Variants in MAP3K13 observed in about 807,000 individuals in gnomAD.
MAP3K13 encodes leucine zipper-bearing kinase.
A neutral mutation model predicts 104.0 loss-of-function variants in MAP3K13; 52 were observed. That is an observed-to-expected ratio of 0.50 (90% CI 0.40 to 0.63). The LOEUF (loss-of-function observed/expected upper bound fraction) is 0.63, where lower values mean the gene tolerates loss of function less well. MAP3K13 is among the 20% of genes least tolerant of loss of function. The pLI, the probability that MAP3K13 is intolerant of heterozygous loss-of-function variation, is 0.00. For synonymous variants in MAP3K13, 394 were observed against 442.2 expected, an observed-to-expected ratio of 0.89 and a Z score of 1.37; for missense variants, 914 against 1,218.5, an observed-to-expected ratio of 0.75 and a Z score of 3.72.
At chr3:185,323,277 C>T (rs1721926501) in intron 2 of MAP3K13, among the ~76,000 whole-genome samples, 1 of 150,724 alleles carries the variant, frequency 6.6e-6, no homozygotes, top group Admixed American at 6.6e-5. Context: ...TTTTCCATGA[C>T]TGTAGTTTTT....
At chr3:185,391,954 G>A (rs1247097826) in intron 1 of MAP3K13, among the ~76,000 whole-genome samples, 1 of 152,096 alleles carries the variant, frequency 6.6e-6, no homozygotes, top group African/African-American at 2.4e-5. Context: ...GGTGGGGTAG[G>A]TCATAGTCCT....
chr3:185,379,327 C>G (rs1430684988), intron 1 of MAP3K13, among the ~76,000 whole-genome samples: 3 of 152,138 alleles, frequency 2.0e-5, no homozygotes, highest in Non-Finnish European at 2.9e-5. Flanking sequence ...TCTCCTTTGT[C>G]TCTACCAGAA....
chr3:185,417,729 C>G, intron 1 of MAP3K13: 3 of 1,612,682 alleles, frequency 1.9e-6, no homozygotes, highest in South Asian at 2.2e-5. Flanking sequence ...CCTTATCCAC[C>G]CGGAGCTTGT....
At chr3:185,378,036 G>A (rs183715060) in intron 1 of MAP3K13, among the ~76,000 whole-genome samples, 269 of 152,326 alleles carry the variant, frequency 1.8e-3, no homozygotes, top group African/African-American at 6.2e-3. Flanking sequence ...ACCCCTGGCA[G>A]CTGCGGTTCA....
At chr3:185,289,108 A>G (rs958254605) in intron 2 of MAP3K13, among the ~76,000 whole-genome samples, 5 of 152,184 alleles carry the variant, frequency 3.3e-5, no homozygotes, top group Non-Finnish European at 7.4e-5. Context: ...GAGAAACTCC[A>G]TAGGAAGTAT....
In MAP3K13 at chr3:185,451,890, G is replaced by T. The variant is rs533558866; in HGVS notation, c.1278+495G>T. ...CTCAAAAAAAAAAAAAAAGAAAAAA[G>T]AAAGAAAGAAAAGAAAAAACACGTG... On this transcript the variant is annotated intron_variant, in intron 7 of 13. Coordinates refer to ENST00000265026, the MANE Select transcript of MAP3K13 (RefSeq NM_004721.5). Among the ~76,000 whole-genome samples, 61 of 149,298 alleles carry T rather than the reference G, an allele frequency of 4.1e-4. 1 individual carries two copies. Among genetic ancestry groups the T allele is most frequent in the Middle Eastern group, 6.9e-3 (2 of 288 alleles).
intron 7 of MAP3K13, among the ~76,000 whole-genome samples, chr3:185,461,847 G>A (rs1189959809): frequency 2.0e-5 from 3 of 152,000 alleles, no homozygotes; most frequent in African/African-American, 7.2e-5. Context: ...CCAGGCATGA[G>A]CCACCACACC....
intron 2 of MAP3K13, among the ~76,000 whole-genome samples, chr3:185,322,850 CT>C (rs1721914288): frequency 2.0e-5 from 3 of 151,918 alleles, no homozygotes; most frequent in Admixed American, 2.0e-4. Context: ...TTTATTTTTT[CT>C]TTTGAAATAC....
At chr3:185,481,296 T>C (rs925277821) in intron 13 of MAP3K13, 3 of 152,180 alleles carry the variant, frequency 2.0e-5, no homozygotes, top group African/African-American at 7.3e-5. Context: ...CTGAGCAACA[T>C]AGCAAGACCT....
At chr3:185,325,819 T>C (rs1356074224) in intron 2 of MAP3K13, among the ~76,000 whole-genome samples, 1 of 152,208 alleles carries the variant, frequency 6.6e-6, no homozygotes, top group African/African-American at 2.4e-5. Flanking sequence ...ACTACTTTTT[T>C]GGGCCTCACA....
chr3:185,444,053 A>G (rs1715465974), intron 4 of MAP3K13, among the ~76,000 whole-genome samples: 1 of 152,154 alleles, frequency 6.6e-6, no homozygotes, highest in Non-Finnish European at 1.5e-5. Context: ...GAAACAGGCT[A>G]GCTGGGTGGA....
intron 2 of MAP3K13, among the ~76,000 whole-genome samples, chr3:185,339,637 T>C (rs1722644646): frequency 6.6e-6 from 1 of 152,250 alleles, no homozygotes; most frequent in Non-Finnish European, 1.5e-5. Context: ...GTGAGCCATG[T>C]AGTCTCTGTA....
At chr3:185,337,818 G>T (rs1722566514) in intron 2 of MAP3K13, among the ~76,000 whole-genome samples, 1 of 151,846 alleles carries the variant, frequency 6.6e-6, no homozygotes, top group Non-Finnish European at 1.5e-5. Flanking sequence ...TTAATAATAT[G>T]GTGGGGGTGG....
In MAP3K13 at chr3:185,303,135, T is replaced by C. The variant is rs561205257; in HGVS notation, c.-86+17492T>C. ...ATTGTGTTAATGTGGTATATTATAT[T>C]GATTGATTTCATATGTTAAGCCATC... On this transcript the variant is annotated intron_variant, in intron 2 of 14. Coordinates refer to the MAP3K13 transcript ENST00000424227. 1.1e-3 allele frequency among the ~76,000 whole-genome samples: 167 copies of C among 152,352 alleles called. 1 individual carries two copies. The highest frequency in any genetic ancestry group is 3.8e-3 in the African/African-American group (159 of 41,576).
rs372997179 is a variant in MAP3K13, at chr3:185,466,896, C to G, written c.1576C>G (p.Pro526Ala). The G allele has an allele frequency of 6.2e-7, 1 of 1,613,964 alleles. No individual in the cohort carries two copies. Among genetic ancestry groups the G allele is most frequent in the African/African-American group, 1.3e-5 (1 of 75,058 alleles). ...ACACCCTGTTCGTCCTATCATCCAT[C>G]CCAATGCCATGGAGAAACTCATGAA... ...KRHPVRPIIH[P>A]NAMEKLMKRK... Residue 526 changes from proline (P) to alanine (A), a missense_variant, in exon 10 of 14, where the codon CCC becomes GCC. Physicochemically the swap from Pro to Ala is conservative, Grantham distance 27. Transcript: ENST00000265026.
At chr3:185,364,772 T>C (rs1396536494) in intron 1 of MAP3K13, among the ~76,000 whole-genome samples, 2 of 152,226 alleles carry the variant, frequency 1.3e-5, no homozygotes, top group African/African-American at 2.4e-5. Flanking sequence ...CTAAATCAGA[T>C]CTTTGTCCTA....
At chr3:185,363,478 C>T (rs1228404341) in intron 1 of MAP3K13, 110 bp downstream of exon 1, 4 of 506,754 alleles carry the variant, frequency 7.9e-6, no homozygotes, top group East Asian at 3.0e-4. Context: ...GAGGGCGACA[C>T]CGTGAGAGAG....
chr3:185,452,648 G>A (rs11710769), intron 7 of MAP3K13, among the ~76,000 whole-genome samples: 111,996 of 152,030 alleles, frequency 0.74, 42,341 homozygotes, highest in Non-Finnish European at 0.83. Context: ...GGGCTCACTC[G>A]TGTGTCTGTG....
chr3:185,435,627 CT>C (rs1333284047), intron 2 of MAP3K13, among the ~76,000 whole-genome samples: 1 of 152,132 alleles, frequency 6.6e-6, no homozygotes, highest in Non-Finnish European at 1.5e-5. Flanking sequence ...GAGTGGAAAC[CT>C]TTAATACTGC....
Sources: allele counts gnomAD v4.1 joint callset (sites outside exome capture counted in the v4.1 genomes callset), GRCh38; gene constraint gnomAD v4.1.1; transcripts MANE v1.5; gene names NCBI Gene and HGNC (gene_info 2026-07-23, HGNC 2026-07-21).